The following WWOX variants were observed in gnomAD, a reference collection of about 807,000 sequenced individuals.
The protein encoded by WWOX is WW domain containing oxidoreductase.
In WWOX, 69 loss-of-function variants were observed where a neutral mutation model predicts 46.2. That is an observed-to-expected ratio of 1.49 (90% confidence interval 1.23 to 1.82). WWOX has a LOEUF of 1.82. WWOX is among the 40% of genes most tolerant of loss of function. The pLI, the probability that WWOX is intolerant of heterozygous loss-of-function variation, is 0.00. For synonymous variants in WWOX, 359 were observed against 202.6 expected (o/e 1.77, Z -6.56); for missense variants, 919 against 542.6 (o/e 1.69, Z -6.89).
chr16:78,331,558 G>A (rs868247879), intron 5 of WWOX, among the ~76,000 whole-genome samples: 9 of 152,176 alleles, frequency 5.9e-5, no homozygotes, highest in Non-Finnish European at 7.3e-5. Flanking sequence ...GTAAGTAGGA[G>A]AGTCTACCAG....
chr16:78,286,838 T>C (rs2079776064), intron 5 of WWOX, among the ~76,000 whole-genome samples: 1 of 152,226 alleles, frequency 6.6e-6, no homozygotes, highest in Admixed American at 6.5e-5. Flanking sequence ...TATGCTAAGA[T>C]ATATTAGTTT....
chr16:78,556,652 G>A (rs1400062147), intron 8 of WWOX, among the ~76,000 whole-genome samples: 3 of 152,154 alleles, frequency 2.0e-5, no homozygotes, highest in Admixed American at 2.0e-4. Flanking sequence ...GTACCGGTGT[G>A]TGATTTTGCA....
At chr16:78,166,778 C>T (rs1432671767) in intron 5 of WWOX, 1 of 145,520 alleles carries the variant, frequency 6.9e-6, no homozygotes, top group Non-Finnish European at 1.5e-5. Flanking sequence ...GGGATAGTCT[C>T]GACCTCCTGA....
intron 4 of WWOX, among the ~76,000 whole-genome samples, chr16:78,122,176 T>C (rs1297568831): frequency 6.6e-6 from 1 of 152,156 alleles, no homozygotes; most frequent in African/African-American, 2.4e-5. Context: ...AAGCATAGAA[T>C]ACATAGGGTT....
chr16:78,271,267 G>A (rs2079472833), intron 5 of WWOX, among the ~76,000 whole-genome samples: 1 of 152,142 alleles, frequency 6.6e-6, no homozygotes, highest in African/African-American at 2.4e-5. Flanking sequence ...TGTAGTCCTG[G>A]AAATTTTGCT....
chr16:78,569,062 C>T (rs368232265), intron 8 of WWOX, among the ~76,000 whole-genome samples: 46 of 152,268 alleles, frequency 3.0e-4, no homozygotes, highest in African/African-American at 9.9e-4. Context: ...CTTGGGCTGG[C>T]TCATTACAGG....
At chr16:78,941,351 C>T (rs961461452) in intron 8 of WWOX, among the ~76,000 whole-genome samples, 9 of 152,122 alleles carry the variant, frequency 5.9e-5, no homozygotes, top group Non-Finnish European at 1.2e-4. Flanking sequence ...TTTGTTTATC[C>T]AAGTTTCCCC....
At chr16:78,817,362 C>T (rs978109516) in intron 8 of WWOX, among the ~76,000 whole-genome samples, 1 of 151,946 alleles carries the variant, frequency 6.6e-6, no homozygotes, top group East Asian at 1.9e-4. Flanking sequence ...AGGCATTTCT[C>T]CTATTCCTAG....
chr16:78,687,593 C>T (rs2047892214), intron 8 of WWOX, among the ~76,000 whole-genome samples: 1 of 125,006 alleles, frequency 8.0e-6, no homozygotes. Context: ...GAGAGAGAGA[C>T]CCCAATAAAC....
chr16:78,508,798 G>T (rs1194669229), intron 8 of WWOX, among the ~76,000 whole-genome samples: 1 of 152,192 alleles, frequency 6.6e-6, no homozygotes, highest in Non-Finnish European at 1.5e-5. Flanking sequence ...GGCTGATCTG[G>T]TGGCTGGGGT....
chr16:78,733,443 A>T (rs756209521), intron 8 of WWOX, among the ~76,000 whole-genome samples: 1 of 152,072 alleles, frequency 6.6e-6, no homozygotes, highest in Non-Finnish European at 1.5e-5. Context: ...CAACAGAGTG[A>T]GACCTTGTCT....
At chr16:79,115,770 A>C (rs1470446293) in intron 8 of WWOX, among the ~76,000 whole-genome samples, 2 of 152,206 alleles carry the variant, frequency 1.3e-5, no homozygotes, top group East Asian at 3.9e-4. Context: ...TTACAAGAAA[A>C]ACACTTCACA....
intron 5 of WWOX, among the ~76,000 whole-genome samples, chr16:78,354,740 T>C (rs1567519492): frequency 6.6e-6 from 1 of 152,216 alleles, no homozygotes; most frequent in Non-Finnish European, 1.5e-5. Flanking sequence ...TCTCATTCTG[T>C]TAAATTTTGT....
intron 8 of WWOX, among the ~76,000 whole-genome samples, chr16:78,799,278 A>T (rs4888852): frequency 0.15 from 23,425 of 152,206 alleles, 2,036 homozygotes; most frequent in South Asian, 0.22. Flanking sequence ...GTTCATGGGC[A>T]GGGTACAGTC....
chr16:78,300,331 G>A (rs1018459006), intron 5 of WWOX, among the ~76,000 whole-genome samples: 21 of 152,140 alleles, frequency 1.4e-4, no homozygotes, highest in Admixed American at 3.9e-4. Context: ...CCAGAAGAGT[G>A]ACCCTCGGAA....
At chr16:78,318,248 T>G (rs1473918128) in intron 5 of WWOX, among the ~76,000 whole-genome samples, 1 of 149,668 alleles carries the variant, frequency 6.7e-6, no homozygotes, top group African/African-American at 2.5e-5. Context: ...ACAGAAACTC[T>G]TAGGAGCCCT....
At chr16:79,065,828 C>T (rs1189116843) in intron 8 of WWOX, among the ~76,000 whole-genome samples, 1 of 150,456 alleles carries the variant, frequency 6.6e-6, no homozygotes, top group African/African-American at 2.5e-5. Flanking sequence ...GCCCGTGGGG[C>T]TAGAAGCAAG....
At chr16:78,180,364 C>T (rs2035490002) in intron 5 of WWOX, among the ~76,000 whole-genome samples, 1 of 151,216 alleles carries the variant, frequency 6.6e-6, no homozygotes, top group Non-Finnish European at 1.5e-5. Context: ...TGGGTAAATC[C>T]AGCTGTACCC....
intron 5 of WWOX, among the ~76,000 whole-genome samples, chr16:78,273,942 A>T (rs1597432826): frequency 6.6e-6 from 1 of 152,298 alleles, no homozygotes; most frequent in Non-Finnish European, 1.5e-5. Context: ...CTCAGGAGGG[A>T]TGGACAGGAT....
Sources: gnomAD v4.1 joint callset for allele counts (sites outside exome capture counted in the v4.1 genomes callset) on GRCh38, gnomAD v4.1.1 for gene constraint, MANE v1.5 for transcripts, NCBI Gene and HGNC (gene_info 2026-07-23, HGNC 2026-07-21) for gene names.